Variants in SOCS5 observed in about 807,000 individuals in gnomAD.
The protein encoded by SOCS5 is suppressor of cytokine signaling 5.
SOCS5 carries 32 observed loss-of-function variants against 42.8 expected under a neutral mutation model. The observed-to-expected ratio is 0.75, with a 90% CI of 0.56 to 1.01. The LOEUF (loss-of-function observed/expected upper bound fraction) is 1.01, where lower values mean the gene tolerates loss of function less well. Ranked by LOEUF, SOCS5 falls within the 50% of genes least tolerant of loss-of-function variation. The probability of loss-of-function intolerance (pLI) is 0.00; values close to 1 mark genes in which losing one functional copy is unlikely to be tolerated. For synonymous variants in SOCS5, 283 were observed against 229.6 expected (o/e 1.23, Z -2.10); for missense variants, 627 against 653.0 (o/e 0.96, Z 0.43).
At chr2:46,711,201 A>G (rs942985113) in intron 1 of SOCS5, among the ~76,000 whole-genome samples, 11 of 152,206 alleles carry the variant, frequency 7.2e-5, no homozygotes, top group East Asian at 3.8e-4. Flanking sequence ...AAATAGGTCT[A>G]TGTTTAGCAT....
At chr2:46,699,094 T>G (rs1432808973), upstream of SOCS5, 2 of 152,340 alleles carry the variant, frequency 1.3e-5, no homozygotes, top group South Asian at 4.1e-4. This position sits in a 1 kb window ranked among gnomAD's most constrained non-coding sequence, Gnocchi z 4.8. Flanking sequence ...TCTAAAGCCC[T>G]GCCTGCTATT....
At position 46,745,738 on chromosome 2, in the gene SOCS5, A is replaced by G. The variant is rs188059944; in HGVS notation, c.-12-12781A>G. Among the ~76,000 whole-genome samples the G allele has an allele frequency of 2.7e-3, 417 of 152,262 alleles. 1 individual carries two copies. Among genetic ancestry groups the G allele is most frequent in the African/African-American group, 9.2e-3 (382 of 41,548 alleles). On this transcript the variant is annotated intron_variant, in intron 1 of 1. Coordinates refer to ENST00000394861, the MANE Select transcript of SOCS5 (RefSeq NM_144949.3). Reference sequence around the variant, plus strand: ...TCCTCTTTAACATTTCCCATGAAAGACTCTGCACAAATCTCTTTCGATTGT... The same window carrying G: ...TCCTCTTTAACATTTCCCATGAAAGGCTCTGCACAAATCTCTTTCGATTGT...
intron 1 of SOCS5, among the ~76,000 whole-genome samples, chr2:46,712,180 C>T (rs567397751): frequency 2.0e-4 from 30 of 152,120 alleles, no homozygotes; most frequent in African/African-American, 6.7e-4. Flanking sequence ...TTAACATGAA[C>T]ATAATATAGC....
At position 46,747,828 on chromosome 2, in the gene SOCS5, G is replaced by A. The variant is rs975024902; in HGVS notation, c.-12-10691G>A. Among the ~76,000 whole-genome samples the A allele has an allele frequency of 2.6e-5, 4 of 152,074 alleles. No individual in the cohort carries two copies. In the East Asian group the frequency reaches 5.8e-4, roughly 22 times the overall value. On this transcript the variant is annotated intron_variant, in intron 1 of 1. Coordinates refer to ENST00000394861, the MANE Select transcript of SOCS5 (RefSeq NM_144949.3). ...TACATCTGAGAGCTTGAACTTTATC[G>A]TCATATTGTCCACATGTGGTACTCA...
chr2:46,742,167 G>A (rs974668797), intron 1 of SOCS5, among the ~76,000 whole-genome samples: 5 of 152,302 alleles, frequency 3.3e-5, no homozygotes, highest in African/African-American at 4.8e-5. Context: ...TATTGGCCAA[G>A]TATACATCTG....
intron 1 of SOCS5, among the ~76,000 whole-genome samples, chr2:46,749,335 T>C (rs1157640961): frequency 6.6e-6 from 1 of 152,202 alleles, no homozygotes; most frequent in Non-Finnish European, 1.5e-5. Flanking sequence ...CGCCCTATTA[T>C]ATACTTAGTT....
intron 1 of SOCS5, among the ~76,000 whole-genome samples, chr2:46,735,450 G>A (rs1044362057): frequency 6.6e-6 from 1 of 152,096 alleles, no homozygotes; most frequent in Admixed American, 6.6e-5. Context: ...TATTATGGAA[G>A]AAAAGAGAAC....
intron 1 of SOCS5, among the ~76,000 whole-genome samples, chr2:46,728,927 C>G (rs1258063785): frequency 2.0e-5 from 3 of 152,150 alleles, no homozygotes; most frequent in African/African-American, 7.2e-5. Context: ...AGTGTGGTAC[C>G]AGGGCTAGCA....
At chr2:46,709,873 T>G (rs1032247354) in intron 1 of SOCS5, among the ~76,000 whole-genome samples, 6 of 152,210 alleles carry the variant, frequency 3.9e-5, no homozygotes, top group Admixed American at 3.3e-4. Context: ...TTAAAATCCC[T>G]TGTATCTTTT....
intron 1 of SOCS5, among the ~76,000 whole-genome samples, chr2:46,725,988 T>G (rs1468838859): frequency 1.3e-5 from 2 of 152,224 alleles, no homozygotes; most frequent in Non-Finnish European, 2.9e-5. Context: ...CTATAAGTAA[T>G]GCGTCACTTT....
At chr2:46,725,789 C>T (rs552804076) in intron 1 of SOCS5, among the ~76,000 whole-genome samples, 60 of 152,176 alleles carry the variant, frequency 3.9e-4, no homozygotes, top group African/African-American at 1.4e-3. Flanking sequence ...TTAGTAACTC[C>T]TTCAGAGTGG....
At chr2:46,736,992 G>T (rs781523864) in intron 1 of SOCS5, among the ~76,000 whole-genome samples, 6 of 152,054 alleles carry the variant, frequency 3.9e-5, no homozygotes, top group Non-Finnish European at 7.4e-5. Flanking sequence ...CAGATTTTTG[G>T]ATTTAGGGAT....
chr2:46,731,279 TGA>T (rs1198405544), intron 1 of SOCS5, among the ~76,000 whole-genome samples: 1 of 152,170 alleles, frequency 6.6e-6, no homozygotes, highest in Non-Finnish European at 1.5e-5. Flanking sequence ...GCTGAAAAGA[TGA>T]GAGTTCTCCT....
chr2:46,703,228 T>C (rs917523708), intron 1 of SOCS5, among the ~76,000 whole-genome samples: 4 of 152,346 alleles, frequency 2.6e-5, no homozygotes, highest in African/African-American at 9.6e-5. Context: ...CTTGCTATTG[T>C]TTTAGATCTC....
intron 1 of SOCS5, among the ~76,000 whole-genome samples, chr2:46,735,339 C>T (rs554400493): frequency 2.0e-5 from 3 of 152,238 alleles, no homozygotes; most frequent in Non-Finnish European, 2.9e-5. Flanking sequence ...GGGCATACAC[C>T]AGCTGTTTCT....
In SOCS5 at chr2:46,749,531, A is replaced by G. The variant is rs1426953279; in HGVS notation, c.-12-8988A>G. Among the ~76,000 whole-genome samples, 4 of 152,322 alleles carry G rather than the reference A, an allele frequency of 2.6e-5. No homozygotes were observed. The East Asian group carries it at 7.7e-4, about 29-fold the overall frequency. On this transcript the variant is annotated intron_variant, in intron 1 of 1. Coordinates refer to ENST00000394861, the MANE Select transcript of SOCS5 (RefSeq NM_144949.3). ...TTTGATGAATCGTGTATTTGTTAGTATATTACATAAGATATTTTCCCCATA... is the reference window on the plus strand; with the variant it reads ...TTTGATGAATCGTGTATTTGTTAGTGTATTACATAAGATATTTTCCCCATA...
At chr2:46,725,640 G>T (rs535822517) in intron 1 of SOCS5, among the ~76,000 whole-genome samples, 2 of 151,940 alleles carry the variant, frequency 1.3e-5, no homozygotes, top group East Asian at 3.9e-4. Context: ...CATAGTTTCT[G>T]CTTTGAACCC....
At chr2:46,701,246 G>A (rs1672338138) in intron 1 of SOCS5, among the ~76,000 whole-genome samples, 1 of 152,132 alleles carries the variant, frequency 6.6e-6, no homozygotes, top group Admixed American at 6.5e-5. Flanking sequence ...TATCACCTTT[G>A]TTTAGATTGG....
intron 1 of SOCS5, among the ~76,000 whole-genome samples, chr2:46,721,558 G>A (rs886342162): frequency 1.3e-5 from 2 of 152,132 alleles, no homozygotes; most frequent in African/African-American, 2.4e-5. Flanking sequence ...TCATTTAAAA[G>A]GAGCCTAGTG....
Sources: gnomAD v4.1 joint callset for allele counts (sites outside exome capture counted in the v4.1 genomes callset) on GRCh38, gnomAD v4.1.1 for gene constraint, Gnocchi (gnomAD v3.1) non-coding constraint, MANE v1.5 for transcripts, NCBI Gene and HGNC (gene_info 2026-07-23, HGNC 2026-07-21) for gene names.